Variants in RBM19 observed in about 807,000 individuals in gnomAD.
The protein encoded by RBM19 is RNA binding motif protein 19, also known as probable RNA-binding protein 19.
In RBM19, 94 loss-of-function variants were observed where a neutral mutation model predicts 116.8. That is an observed-to-expected ratio of 0.80 (90% CI 0.68 to 0.95). RBM19 has a LOEUF of 0.95. Among genes scored for constraint, RBM19 ranks in the 40% least tolerant of loss-of-function variants. The pLI, the probability that RBM19 is intolerant of heterozygous loss-of-function variation, is 0.00. For synonymous variants in RBM19, 475 were observed against 494.1 expected, an observed-to-expected ratio of 0.96 and a Z score of 0.51; for missense variants, 1,161 against 1,220.7, an observed-to-expected ratio of 0.95 and a Z score of 0.73.
At chr12:113,936,784 A>C in intron 16 of RBM19, 1 of 478,548 alleles carries the variant, frequency 2.1e-6, no homozygotes, top group Non-Finnish European at 3.4e-6. Flanking sequence ...TTTTTCCCCT[A>C]AAAGCTTTAA....
Position 113,934,672 on chromosome 12 carries a change from G to T in RBM19, c.2068+2335C>A, listed in dbSNP as rs541788263. On this transcript the variant is annotated intron_variant, in intron 16 of 23. Coordinates refer to ENST00000261741, the MANE Select transcript of RBM19 (RefSeq NM_016196.4). Reference sequence around the variant, plus strand: ...ACCATTCATGACACAATTCCAGGAAGTGATAAGCATTTGAAATAAAATAAA... The same window carrying T: ...ACCATTCATGACACAATTCCAGGAATTGATAAGCATTTGAAATAAAATAAA... Among the ~76,000 whole-genome samples, 3 of 152,306 alleles carry T rather than the reference G, an allele frequency of 2.0e-5. No individual in the cohort carries two copies. The East Asian group carries it at 5.8e-4, about 29-fold the overall frequency.
At chr12:113,914,429 A>C (rs1468212401) in intron 21 of RBM19, among the ~76,000 whole-genome samples, 2 of 152,216 alleles carry the variant, frequency 1.3e-5, no homozygotes, top group Non-Finnish European at 2.9e-5. Context: ...ACTGGTCCCC[A>C]ACCCCGGCTG....
At chr12:113,878,199 C>A (rs974439814) in intron 21 of RBM19, among the ~76,000 whole-genome samples, 1 of 152,124 alleles carries the variant, frequency 6.6e-6, no homozygotes, top group East Asian at 1.9e-4. Context: ...CATCCTTAGG[C>A]ATCACATCAC....
chr12:113,871,732 C>T (rs982617421), intron 21 of RBM19, among the ~76,000 whole-genome samples: 1 of 152,250 alleles, frequency 6.6e-6, no homozygotes, highest in African/African-American at 2.4e-5. Flanking sequence ...CTCAACAGAT[C>T]TGACCAGTGT....
chr12:113,905,609 T>C (rs947084206), intron 21 of RBM19, among the ~76,000 whole-genome samples: 1 of 151,220 alleles, frequency 6.6e-6, no homozygotes, highest in Non-Finnish European at 1.5e-5. Flanking sequence ...ACAGTGACAA[T>C]ATCTAAGTGA....
intron 21 of RBM19, among the ~76,000 whole-genome samples, chr12:113,869,826 A>G (rs1879092423): frequency 6.6e-6 from 1 of 152,212 alleles, no homozygotes; most frequent in Non-Finnish European, 1.5e-5. Context: ...GATATCTCCA[A>G]GGTAACTCCA....
intron 23 of RBM19, among the ~76,000 whole-genome samples, chr12:113,839,395 C>T (rs991201524): frequency 6.6e-6 from 1 of 152,206 alleles, no homozygotes; most frequent in Non-Finnish European, 1.5e-5. Context: ...AGACTGACAT[C>T]TCTAGCACGC....
rs772260863 is a variant in RBM19 at position 113,940,170 on chromosome 12, G to C, written c.1738-10C>G. On this transcript the variant is annotated splice_polypyrimidine_tract_variant and intron_variant, in intron 14 of 23. Coordinates refer to ENST00000261741, the MANE Select transcript of RBM19 (RefSeq NM_016196.4). ...TTCGCTCTGCTGCAGCCTGCAAAGA[G>C]GAAATGCACACACATGGGACCACAG... 26 of 1,610,336 alleles carry C rather than the reference G, an allele frequency of 1.6e-5. No individual in the cohort carries two copies. The South Asian group carries it at 2.3e-4, about 14-fold the overall frequency.
chr12:113,875,149 G>A (rs1235523174), intron 21 of RBM19, among the ~76,000 whole-genome samples: 2 of 152,264 alleles, frequency 1.3e-5, no homozygotes, highest in African/African-American at 2.4e-5. Context: ...CAGGGGACAG[G>A]GAGCACGGGA....
At chr12:113,818,587 T>C (rs994130952), downstream of RBM19, among the ~76,000 whole-genome samples, 5 of 152,232 alleles carry the variant, frequency 3.3e-5, no homozygotes, top group African/African-American at 1.2e-4. Flanking sequence ...CAACTACCAT[T>C]ACTAAGTACT....
chr12:113,890,834 C>T (rs1880914610), intron 21 of RBM19, among the ~76,000 whole-genome samples: 1 of 152,200 alleles, frequency 6.6e-6, no homozygotes, highest in African/African-American at 2.4e-5. Flanking sequence ...TGTTGCCTGG[C>T]TGGAGAGCAG....
Position 113,822,996 on chromosome 12 carries a change from C to T in RBM19, c.*228G>A, listed in dbSNP as rs1874540131. The T allele has an allele frequency of 3.7e-6, 2 of 546,876 alleles. No homozygotes were observed. Among genetic ancestry groups the T allele is most frequent in the East Asian group, 6.4e-5 (2 of 31,472 alleles). The allele number at this position is 546,876 out of a possible 1,614,324, so 33.9% of individuals were successfully genotyped here. On this transcript the variant is annotated 3_prime_UTR_variant, in exon 24 of 24. Coordinates refer to ENST00000261741, the MANE Select transcript of RBM19 (RefSeq NM_016196.4). ...GTCTGCTACAGAGCAGGTGCGCAGTCAGTGTCTGCTAGAACGCGTCACTGG... is the reference window on the plus strand; with the variant it reads ...GTCTGCTACAGAGCAGGTGCGCAGTTAGTGTCTGCTAGAACGCGTCACTGG...
In RBM19 at chr12:113,948,924, C is replaced by T; in HGVS notation, c.1185G>A (p.Glu395=). ...QGRILGENEE[E]EDLAESGRLF... ...GCCTTCCGGATTCGGCCAGGTCCTC[C>T]TCCTCTTCGTTCTCCCCGAGTATCC... Residue 395 remains glutamate, a synonymous_variant, in exon 10 of 24, where the codon GAG becomes GAA. Transcript: ENST00000261741. 6.2e-7 allele frequency: 1 copy of T among 1,614,226 alleles called. No homozygotes were observed. The highest frequency in any genetic ancestry group is 8.5e-7 in the Non-Finnish European group (1 of 1,180,036).
chr12:113,902,598 C>A (rs1199144770), intron 21 of RBM19, among the ~76,000 whole-genome samples: 1,078 of 114,452 alleles, frequency 9.4e-3, no homozygotes, highest in African/African-American at 0.015. Context: ...GACCCAGTCT[C>A]AAAAAAAAAA....
intron 21 of RBM19, among the ~76,000 whole-genome samples, chr12:113,901,689 A>G (rs1474166343): frequency 6.7e-6 from 1 of 149,698 alleles, no homozygotes; most frequent in Non-Finnish European, 1.5e-5. Flanking sequence ...TTTTTTTTCT[A>G]TTTTTGGTAG....
rs548761855 is a variant in RBM19, at chr12:113,881,253, G to C, written c.2559-22357C>G. On this transcript the variant is annotated intron_variant, in intron 21 of 23. Transcript: ENST00000261741. ...ACAGTTGCCATGATACGGCCGTTGT[G>C]GTAATTTAGCCTCAGAGCTCTGGCT... 3.9e-5 allele frequency among the ~76,000 whole-genome samples: 6 copies of C among 152,242 alleles called. No individual in the cohort carries two copies. In the South Asian group the frequency reaches 1.2e-3, roughly 32 times the overall value.
intron 22 of RBM19, among the ~76,000 whole-genome samples, chr12:113,852,009 C>T (rs1485336800): frequency 1.3e-5 from 2 of 151,798 alleles, no homozygotes; most frequent in Non-Finnish European, 2.9e-5. Context: ...AGAGAACATG[C>T]CACTGCACTC....
In RBM19 at chr12:113,848,174, T is replaced by G. The variant is rs150161669; in HGVS notation, c.2665-3386A>C. Among the ~76,000 whole-genome samples, 980 of 152,372 alleles carry G rather than the reference T, an allele frequency of 6.4e-3. 3 individuals are homozygous for G. Among genetic ancestry groups the G allele is most frequent in the Non-Finnish European group, 0.011 (740 of 68,040 alleles). On this transcript the variant is annotated intron_variant, in intron 22 of 23. Coordinates refer to ENST00000261741, the MANE Select transcript of RBM19 (RefSeq NM_016196.4). ...ACACTTAGAACACTGGCACATAACA[T>G]GTGTCACTTAAGATTGGCTGTTATT...
intron 6 of RBM19, among the ~76,000 whole-genome samples, chr12:113,956,456 C>T (rs1428073493): frequency 1.3e-5 from 2 of 151,622 alleles, no homozygotes; most frequent in Non-Finnish European, 2.9e-5. Flanking sequence ...TGGTGTGTGC[C>T]TGTAATCCCA....
Sources: allele counts gnomAD v4.1 joint callset (sites outside exome capture counted in the v4.1 genomes callset), GRCh38; gene constraint gnomAD v4.1.1; transcripts MANE v1.5; gene names NCBI Gene and HGNC (gene_info 2026-07-23, HGNC 2026-07-21).